Variants in EYS observed in about 807,000 individuals in gnomAD.
The protein encoded by EYS is protein eyes shut homolog.
Under a neutral mutation model 282.1 loss-of-function variants are expected in EYS, and 250 were observed. The ratio of observed to expected loss-of-function variants is 0.89; its 90% confidence interval spans 0.80 to 0.98. The LOEUF (loss-of-function observed/expected upper bound fraction) is 0.98, where lower values mean the gene tolerates loss of function less well. Ranked by LOEUF, EYS falls within the 50% of genes least tolerant of loss-of-function variation. EYS has a pLI of 0.00. For missense variants in EYS, 4,016 were observed against 3,709.0 expected (o/e 1.08, Z -2.15); for synonymous variants, 1,355 against 1,282.9 (o/e 1.06, Z -1.20).
At chr6:64,054,077 T>C (rs1770902816) in intron 33 of EYS, among the ~76,000 whole-genome samples, 1 of 152,174 alleles carries the variant, frequency 6.6e-6, no homozygotes, top group Non-Finnish European at 1.5e-5. Flanking sequence ...CATGTGGCCT[T>C]AGGGATTATC....
chr6:63,826,854 A>G (rs1403104245), intron 36 of EYS, among the ~76,000 whole-genome samples: 2 of 150,810 alleles, frequency 1.3e-5, no homozygotes, highest in East Asian at 3.9e-4. Context: ...GCAAAAAAAA[A>G]AAAAAAAAAA....
At chr6:65,675,024 T>G (rs2149834827) in intron 1 of EYS, among the ~76,000 whole-genome samples, 1 of 152,150 alleles carries the variant, frequency 6.6e-6, no homozygotes, top group South Asian at 2.1e-4. Context: ...ATTGAAATTA[T>G]GTGTTATCAG....
chr6:64,512,120 T>A (rs559021897), intron 26 of EYS, among the ~76,000 whole-genome samples: 1 of 152,166 alleles, frequency 6.6e-6, no homozygotes, highest in Admixed American at 6.6e-5. Flanking sequence ...CATACATACA[T>A]GCATATATAC....
intron 5 of EYS, among the ~76,000 whole-genome samples, chr6:65,451,839 C>A (rs1432861769): frequency 6.6e-6 from 1 of 151,398 alleles, no homozygotes; most frequent in South Asian, 2.1e-4. Flanking sequence ...AATATTGATT[C>A]CAAATTAAAG....
chr6:64,463,355 A>G (rs966295319), intron 26 of EYS, among the ~76,000 whole-genome samples: 4 of 152,166 alleles, frequency 2.6e-5, no homozygotes, highest in Non-Finnish European at 4.4e-5. Context: ...AAGTTTATCA[A>G]CAGATGCTAG....
chr6:64,821,172 CAT>C (rs1764887587), intron 21 of EYS, among the ~76,000 whole-genome samples: 1 of 151,954 alleles, frequency 6.6e-6, no homozygotes. Flanking sequence ...GATTGAAAGA[CAT>C]ATCCTGAGAA....
chr6:65,018,916 A>T (rs1772151026), intron 13 of EYS, among the ~76,000 whole-genome samples: 1 of 152,204 alleles, frequency 6.6e-6, no homozygotes, highest in Non-Finnish European at 1.5e-5. Context: ...ATAATATTTT[A>T]AAAATCATAG....
At chr6:64,260,718 A>T (rs1277023289) in intron 30 of EYS, among the ~76,000 whole-genome samples, 1 of 152,050 alleles carries the variant, frequency 6.6e-6, no homozygotes, top group Non-Finnish European at 1.5e-5. Context: ...TTATGCTTTT[A>T]TTCTATAGTT....
intron 13 of EYS, among the ~76,000 whole-genome samples, chr6:65,053,005 A>G (rs186054877): frequency 1.1e-3 from 168 of 151,920 alleles, no homozygotes; most frequent in Non-Finnish European, 1.9e-3. Flanking sequence ...AAGCTATGCT[A>G]TTTTTGGAGG....
chr6:65,166,500 T>G (rs1476168441), intron 12 of EYS, among the ~76,000 whole-genome samples: 1 of 151,178 alleles, frequency 6.6e-6, no homozygotes, highest in African/African-American at 2.4e-5. Context: ...CCTTTTGGTA[T>G]TATTTTGTTT....
rs533700194 is a variant in EYS, at chr6:64,028,852, C to G, written c.6726-29669G>C. Among the ~76,000 whole-genome samples the G allele has an allele frequency of 6.8e-4, 103 of 152,314 alleles. 1 individual carries two copies. Among genetic ancestry groups the G allele is most frequent in the Non-Finnish European group, 1.2e-4 (8 of 68,040 alleles). ...CTAGCTAATCAAGGGTACAAGGTGT[C>G]TAGGTCAAAGGCCCAGCTTTGCCTA... On this transcript the variant is annotated intron_variant, in intron 33 of 42. Coordinates refer to ENST00000503581, the MANE Select transcript of EYS (RefSeq NM_001142800.2).
chr6:64,547,152 G>C (rs1322658852), intron 26 of EYS, among the ~76,000 whole-genome samples: 2 of 152,120 alleles, frequency 1.3e-5, no homozygotes, highest in Admixed American at 6.5e-5. Context: ...AGGCAGTGTG[G>C]ACCCAAAGAG....
chr6:65,288,198 A>G (rs1768423450), intron 12 of EYS, among the ~76,000 whole-genome samples: 1 of 151,050 alleles, frequency 6.6e-6, no homozygotes, highest in Admixed American at 6.6e-5. Flanking sequence ...GACCTGTAGG[A>G]AATGACAAAC....
At chr6:65,430,231 T>C (rs1457428133) in intron 5 of EYS, among the ~76,000 whole-genome samples, 2 of 152,154 alleles carry the variant, frequency 1.3e-5, no homozygotes, top group Non-Finnish European at 2.9e-5. Context: ...GTATCCTTTT[T>C]TAACTTCATA....
chr6:64,347,408 A>C (rs952924670), intron 29 of EYS, among the ~76,000 whole-genome samples: 5 of 151,446 alleles, frequency 3.3e-5, no homozygotes, highest in Admixed American at 6.6e-5. Context: ...GAATATTTAC[A>C]GATAAAATGT....
At chr6:64,755,503 C>CGG (rs1562173227) in intron 22 of EYS, among the ~76,000 whole-genome samples, 4 of 124,090 alleles carry the variant, frequency 3.2e-5, no homozygotes, top group Admixed American at 7.4e-5. Context: ...TACATACACA[C>CGG]ACACACACAC....
chr6:63,754,151 ATAGT>A (rs1167096741), intron 41 of EYS, among the ~76,000 whole-genome samples: 5 of 152,194 alleles, frequency 3.3e-5, no homozygotes, highest in East Asian at 1.9e-4. Flanking sequence ...CTTAACCTAA[ATAGT>A]TAGCTCTTTG....
intron 1 of EYS, among the ~76,000 whole-genome samples, chr6:65,646,779 T>G (rs1012972247): frequency 1.3e-5 from 2 of 152,114 alleles, no homozygotes; most frequent in African/African-American, 4.8e-5. Flanking sequence ...CCTAAAGACT[T>G]ATCTAAAAAG....
chr6:64,890,444 C>A (rs1307552280), intron 18 of EYS, among the ~76,000 whole-genome samples: 2 of 152,152 alleles, frequency 1.3e-5, no homozygotes, highest in Non-Finnish European at 2.9e-5. Flanking sequence ...GATGTCTCCC[C>A]TGGACGCCCA....
Sources: gnomAD v4.1 joint callset for allele counts (sites outside exome capture counted in the v4.1 genomes callset) on GRCh38, gnomAD v4.1.1 for gene constraint, MANE v1.5 for transcripts, NCBI Gene and HGNC (gene_info 2026-07-23, HGNC 2026-07-21) for gene names.